Variants in KCNN2 observed in about 807,000 individuals in gnomAD.
KCNN2 encodes the protein potassium calcium-activated channel subfamily N member 2.
KCNN2 carries 24 observed loss-of-function variants against 55.5 expected under a neutral mutation model. That is an observed-to-expected ratio of 0.43 (90% CI 0.31 to 0.61). The LOEUF (loss-of-function observed/expected upper bound fraction) is 0.61. KCNN2 is among the 20% of genes least tolerant of loss of function. The pLI, the probability that KCNN2 is intolerant of heterozygous loss-of-function variation, is 0.08. For missense variants in KCNN2, 754 were observed against 853.6 expected, an observed-to-expected ratio of 0.88 and a Z score of 1.45; for synonymous variants, 431 against 336.1, an observed-to-expected ratio of 1.28 and a Z score of -3.09.
rs180696057 is a variant in KCNN2, at chr5:114,473,249, G to A, written c.1890+85G>A. On this transcript the variant is annotated intron_variant, in intron 5 of 7. Coordinates refer to ENST00000673685, the MANE Select transcript of KCNN2 (RefSeq NM_021614.4). ...AAATATGGTTTTTATTTTGACATCC[G>A]AAGCTGAAATGACATGGTTTGAAAG... 21 of 870,108 alleles carry A rather than the reference G, an allele frequency of 2.4e-5. 1 individual carries two copies. Among genetic ancestry groups the A allele is most frequent in the South Asian group, 2.1e-4 (14 of 68,094 alleles). 53.9% of individuals were successfully genotyped at this position (870,108 alleles called of 1,614,324 possible). A position where few individuals can be genotyped will look rare whatever the true frequency, so the allele number is the denominator to read the frequency against.
intron 1 of KCNN2, among the ~76,000 whole-genome samples, chr5:114,078,046 C>A (rs1750721163): frequency 6.6e-6 from 1 of 152,164 alleles, no homozygotes; most frequent in Admixed American, 6.5e-5. Context: ...GGAAAACGAT[C>A]AGTACAGTTA....
intron 2 of KCNN2, among the ~76,000 whole-genome samples, chr5:114,252,756 A>T (rs963579370): frequency 2.0e-4 from 28 of 137,648 alleles, no homozygotes; most frequent in African/African-American, 7.8e-4. Flanking sequence ...TGGTGTTTTC[A>T]TGGCACTCTG....
At chr5:114,292,555 C>G (rs1445828124) in intron 2 of KCNN2, among the ~76,000 whole-genome samples, 4 of 152,154 alleles carry the variant, frequency 2.6e-5, no homozygotes, top group African/African-American at 9.7e-5. Context: ...GTCTATATCT[C>G]TGTTTTGGTA....
chr5:114,300,207 A>G (rs1756124689), intron 2 of KCNN2, among the ~76,000 whole-genome samples: 1 of 152,012 alleles, frequency 6.6e-6, no homozygotes, highest in African/African-American at 2.4e-5. Flanking sequence ...AATTCCCCAA[A>G]TTCTCACCTC....
At chr5:114,427,050 G>T (rs572979839) in intron 3 of KCNN2, among the ~76,000 whole-genome samples, 23 of 152,110 alleles carry the variant, frequency 1.5e-4, no homozygotes, top group Non-Finnish European at 2.8e-4. Flanking sequence ...AACCAAGTGG[G>T]AACATGACCA....
intron 2 of KCNN2, among the ~76,000 whole-genome samples, chr5:114,394,439 A>G (rs1327713843): frequency 6.6e-6 from 1 of 151,864 alleles, no homozygotes; most frequent in Non-Finnish European, 1.5e-5. Context: ...TTGTCTTTTT[A>G]CTCTCTTTAT....
chr5:114,106,640 GTTGTT>G (rs1751488736), intron 1 of KCNN2, among the ~76,000 whole-genome samples: 1 of 92,772 alleles, frequency 1.1e-5, no homozygotes, highest in Non-Finnish European at 2.4e-5. Context: ...GGATTTTCCA[GTTGTT>G]TTTTTTTTTT....
At chr5:114,279,276 C>G (rs955704238) in intron 2 of KCNN2, among the ~76,000 whole-genome samples, 3 of 151,940 alleles carry the variant, frequency 2.0e-5, no homozygotes, top group African/African-American at 4.8e-5. Context: ...GTCTTTATCA[C>G]TACTCCTTAA....
At chr5:114,308,859 A>G (rs1285181597) in intron 2 of KCNN2, among the ~76,000 whole-genome samples, 1 of 152,184 alleles carries the variant, frequency 6.6e-6, no homozygotes, top group East Asian at 1.9e-4. Flanking sequence ...CCAAAATATT[A>G]TGCTACATTA....
chr5:114,135,745 CAG>C (rs570641668), intron 1 of KCNN2, among the ~76,000 whole-genome samples: 190 of 152,232 alleles, frequency 1.2e-3, no homozygotes, highest in Admixed American at 2.6e-3. Flanking sequence ...CTACTGGAAA[CAG>C]AGACTGTGAA....
intron 2 of KCNN2, among the ~76,000 whole-genome samples, chr5:114,381,734 C>T (rs1368611259): frequency 2.6e-5 from 4 of 152,196 alleles, no homozygotes; most frequent in East Asian, 3.8e-4. Context: ...GCAACATTTG[C>T]GTTTGTTACT....
intron 3 of KCNN2, among the ~76,000 whole-genome samples, chr5:114,443,549 A>G (rs1760294635): frequency 1.3e-5 from 2 of 152,342 alleles, no homozygotes; most frequent in South Asian, 4.1e-4. Flanking sequence ...TTAAAAGGGA[A>G]CAAGAACACA....
At chr5:114,361,302 G>C (rs1330077819), upstream of KCNN2, among the ~76,000 whole-genome samples, 2 of 150,824 alleles carry the variant, frequency 1.3e-5, no homozygotes, top group Non-Finnish European at 3.0e-5. Context: ...AACCCTACCC[G>C]CGCCGCAGCG....
chr5:114,333,035 C>A (rs1756852701), intron 2 of KCNN2, among the ~76,000 whole-genome samples: 1 of 152,146 alleles, frequency 6.6e-6, no homozygotes, highest in Non-Finnish European at 1.5e-5. Context: ...TTAGTAGATG[C>A]ATTTTTACCC....
chr5:114,242,061 G>A lies in KCNN2; in HGVS notation c.-185+20496G>A, dbSNP rs192756960. On this transcript the variant is annotated intron_variant, in intron 2 of 10. Transcript: ENST00000512097. ...CCCAGTTCCCACACGGTGAAATGGA[G>A]AGTGTCAGGTAACACATGCAAACAC... 6.6e-5 allele frequency among the ~76,000 whole-genome samples: 10 copies of A among 151,582 alleles called. No homozygotes were observed. In the East Asian group the frequency reaches 1.7e-3, roughly 26 times the overall value.
At chr5:114,177,141 G>GTTTT (rs33951023) in intron 1 of KCNN2, among the ~76,000 whole-genome samples, 13 of 143,578 alleles carry the variant, frequency 9.1e-5, no homozygotes, top group Admixed American at 6.9e-5. Flanking sequence ...TAATATGCTG[G>GTTTT]TTTTTTTTTT....
intron 1 of KCNN2, among the ~76,000 whole-genome samples, chr5:114,098,612 C>T (rs189063590): frequency 6.6e-6 from 1 of 152,022 alleles, no homozygotes; most frequent in East Asian, 1.9e-4. Context: ...CACAATTCCC[C>T]CAACCATGTC....
At chr5:114,303,038 T>C (rs1451325746) in intron 2 of KCNN2, among the ~76,000 whole-genome samples, 1 of 152,206 alleles carries the variant, frequency 6.6e-6, no homozygotes, top group Non-Finnish European at 1.5e-5. Flanking sequence ...TACGTCGATG[T>C]ACTGAAAACA....
chr5:114,376,315 G>A (rs13182217), intron 2 of KCNN2, among the ~76,000 whole-genome samples: 59,540 of 152,008 alleles, frequency 0.39, 11,940 homozygotes, highest in African/African-American at 0.43. Context: ...TTCCTGCACA[G>A]AGACCACACG....
Sources: gnomAD v4.1 joint callset for allele counts (sites outside exome capture counted in the v4.1 genomes callset) on GRCh38, gnomAD v4.1.1 for gene constraint, MANE v1.5 for transcripts, NCBI Gene and HGNC (gene_info 2026-07-23, HGNC 2026-07-21) for gene names.